The following ARMH4 variants were observed in gnomAD, a reference collection of about 807,000 sequenced individuals.
ARMH4 encodes armadillo-like helical domain-containing protein 4.
A neutral mutation model predicts 61.9 loss-of-function variants in ARMH4; 49 were observed. The observed-to-expected ratio is 0.79, with a 90% CI of 0.63 to 1.00. The LOEUF (loss-of-function observed/expected upper bound fraction) is 1.00, where lower values mean the gene tolerates loss of function less well. ARMH4 is among the 50% of genes least tolerant of loss of function. The pLI, the probability that ARMH4 is intolerant of heterozygous loss-of-function variation, is 0.00. For synonymous variants in ARMH4, 368 were observed against 341.5 expected, an observed-to-expected ratio of 1.08 and a Z score of -0.85; for missense variants, 934 against 930.0, an observed-to-expected ratio of 1.00 and a Z score of -0.06.
At chr14:58,108,242 T>C (rs538962326) in intron 4 of ARMH4, among the ~76,000 whole-genome samples, 12 of 152,334 alleles carry the variant, frequency 7.9e-5, no homozygotes, top group Admixed American at 7.8e-4. Flanking sequence ...TGACTTAGAA[T>C]ACATAGAATT....
At chr14:58,151,361 T>C (rs1887912412) in intron 1 of ARMH4, among the ~76,000 whole-genome samples, 1 of 152,122 alleles carries the variant, frequency 6.6e-6, no homozygotes, top group African/African-American at 2.4e-5. Context: ...TTTGGGCACC[T>C]CCGGCAGCAC....
intron 4 of ARMH4, among the ~76,000 whole-genome samples, chr14:58,121,734 G>A (rs1423544176): frequency 6.6e-6 from 1 of 152,066 alleles, no homozygotes; most frequent in Non-Finnish European, 1.5e-5. Context: ...TACCATAAGA[G>A]GCAACTGATA....
intron 5 of ARMH4, among the ~76,000 whole-genome samples, chr14:58,032,503 A>C (rs1173481920): frequency 1.3e-5 from 2 of 152,238 alleles, no homozygotes; most frequent in Non-Finnish European, 2.9e-5. Flanking sequence ...AAATACATAG[A>C]AAAATACATC....
At chr14:58,041,269 C>A (rs973297110) in intron 5 of ARMH4, among the ~76,000 whole-genome samples, 2 of 152,176 alleles carry the variant, frequency 1.3e-5, no homozygotes, top group Non-Finnish European at 2.9e-5. Flanking sequence ...CACCCCAATA[C>A]TGCACTTTTC....
chr14:58,127,950 C>CTACT (rs1365815901), intron 4 of ARMH4, among the ~76,000 whole-genome samples: 2 of 152,282 alleles, frequency 1.3e-5, no homozygotes, highest in South Asian at 4.1e-4. Flanking sequence ...TCTTAGAAAC[C>CTACT]TACTATCTGA....
chr14:58,071,465 A>G (rs987682417), intron 5 of ARMH4, among the ~76,000 whole-genome samples: 5 of 152,210 alleles, frequency 3.3e-5, no homozygotes, highest in African/African-American at 9.6e-5. Flanking sequence ...AAAATGTCCA[A>G]GACCTAATGC....
chr14:58,029,802 T>C (rs1883162302), intron 5 of ARMH4, among the ~76,000 whole-genome samples: 1 of 152,152 alleles, frequency 6.6e-6, no homozygotes, highest in Admixed American at 6.5e-5. Context: ...CAGCTGCTCC[T>C]CAAAAAGTTA....
intron 5 of ARMH4, among the ~76,000 whole-genome samples, chr14:58,052,952 C>A (rs1438447217): frequency 3.9e-5 from 6 of 152,152 alleles, no homozygotes; most frequent in Non-Finnish European, 8.8e-5. Flanking sequence ...CCCCTACCTG[C>A]ACACCTGCAT....
intron 5 of ARMH4, among the ~76,000 whole-genome samples, chr14:58,024,730 T>C (rs1343000194): frequency 1.3e-5 from 2 of 152,194 alleles, no homozygotes; most frequent in East Asian, 1.9e-4. Flanking sequence ...TCTCTTTCTT[T>C]CACTTGAACA....
chr14:58,042,304 A>G (rs886119421), intron 5 of ARMH4, among the ~76,000 whole-genome samples: 7 of 152,198 alleles, frequency 4.6e-5, no homozygotes, highest in Admixed American at 2.0e-4. Flanking sequence ...CTCACTCAAA[A>G]CTGCTCAACT....
chr14:58,098,818 G>T (rs10148820), intron 4 of ARMH4, among the ~76,000 whole-genome samples: 63,693 of 151,436 alleles, frequency 0.42, 13,646 homozygotes, highest in Non-Finnish European at 0.47. Context: ...ATAGGTTTTT[G>T]GGGAACAGGT....
In ARMH4 at chr14:58,002,435, T is replaced by A. The variant is rs970963461; in HGVS notation, c.*2301A>T. On this transcript the variant is annotated 3_prime_UTR_variant, in exon 8 of 8. Transcript: ENST00000267485. ...TGTGTTAAGCCAAAATTCACATACA[T>A]GTCATCCTCACGGACCTCTGAGAAA... 6.6e-6 allele frequency: 1 copy of A among 152,144 alleles called. No homozygotes were observed. The highest frequency in any genetic ancestry group is 2.4e-5 in the African/African-American group (1 of 41,430). 9.4% of individuals were successfully genotyped at this position (152,144 alleles called of 1,614,324 possible).
chr14:58,038,561 ATT>A lies in ARMH4; in HGVS notation c.2090-26413_2090-26412del, dbSNP rs1269164193. Among the ~76,000 whole-genome samples the A allele has an allele frequency of 0.02, 2,005 of 101,302 alleles. 44 individuals carry two copies. The East Asian group carries it at 0.29, about 15-fold the overall frequency. The allele number at this position is 101,302 out of a possible 152,430, so 66.5% of individuals were successfully genotyped here. ...AAAATTTAAAGTATAATAAAAAAAAATTAAAAAAAAAAAAAGAAATACTTAAA... is the reference window on the plus strand; with the variant it reads ...AAAATTTAAAGTATAATAAAAAAAAAAAAAAAAAAAAAAGAAATACTTAAA... On this transcript the variant is annotated intron_variant, in intron 5 of 7. Coordinates refer to ENST00000267485, the MANE Select transcript of ARMH4 (RefSeq NM_001001872.4).
intron 6 of ARMH4, 77 bp from the exon 7 acceptor site, chr14:58,005,259 C>T (rs186122428): frequency 5.9e-4 from 933 of 1,586,488 alleles, no homozygotes; most frequent in Non-Finnish European, 7.8e-4. Flanking sequence ...TGCTGGATGG[C>T]AGCAGGTTTT....
intron 5 of ARMH4, among the ~76,000 whole-genome samples, chr14:58,012,640 T>G (rs1453409219): frequency 6.6e-6 from 1 of 152,198 alleles, no homozygotes; most frequent in Non-Finnish European, 1.5e-5. Context: ...GCAATCATAT[T>G]TGAAGAAGCA....
intron 6 of ARMH4, among the ~76,000 whole-genome samples, chr14:58,010,824 T>C (rs1882381103): frequency 7.5e-6 from 1 of 132,856 alleles, no homozygotes; most frequent in Non-Finnish European, 1.6e-5. Flanking sequence ...TGACAAAATT[T>C]ATTTTCTTAA....
At chr14:58,144,812 G>A (rs917748216) in intron 1 of ARMH4, among the ~76,000 whole-genome samples, 2 of 151,980 alleles carry the variant, frequency 1.3e-5, no homozygotes, top group African/African-American at 4.8e-5. Flanking sequence ...AGCTTGCCGT[G>A]AGCCAAGATC....
intron 5 of ARMH4, among the ~76,000 whole-genome samples, chr14:58,093,617 G>C (rs1039464123): frequency 1.3e-5 from 2 of 152,160 alleles, no homozygotes; most frequent in African/African-American, 4.8e-5. Flanking sequence ...CCATCACAAA[G>C]AAGGAAAGAG....
At chr14:58,044,006 G>A (rs1883827806) in intron 5 of ARMH4, among the ~76,000 whole-genome samples, 1 of 152,128 alleles carries the variant, frequency 6.6e-6, no homozygotes, top group African/African-American at 2.4e-5. Context: ...TCATGGATAG[G>A]AAGAATCAAT....
Sources: allele counts gnomAD v4.1 joint callset (sites outside exome capture counted in the v4.1 genomes callset), GRCh38; gene constraint gnomAD v4.1.1; transcripts MANE v1.5; gene names NCBI Gene and HGNC (gene_info 2026-07-23, HGNC 2026-07-21).